The following TCERG1L variants were observed in gnomAD, a reference collection of about 807,000 sequenced individuals.
The protein encoded by TCERG1L is transcription elongation regulator 1 like.
A neutral mutation model predicts 56.3 loss-of-function variants in TCERG1L; 37 were observed. The ratio of observed to expected loss-of-function variants is 0.66; its 90% CI spans 0.51 to 0.87. The LOEUF is 0.87. Ranked by LOEUF, TCERG1L falls within the 40% of genes least tolerant of loss-of-function variation. The pLI is 0.00. For missense variants in TCERG1L, 799 were observed against 774.2 expected, an observed-to-expected ratio of 1.03 and a Z score of -0.38; for synonymous variants, 324 against 326.3, an observed-to-expected ratio of 0.99 and a Z score of 0.08.
intron 6 of TCERG1L, among the ~76,000 whole-genome samples, chr10:131,153,774 T>C (rs1845890779): frequency 6.6e-6 from 1 of 152,042 alleles, no homozygotes; most frequent in Admixed American, 6.5e-5. Flanking sequence ...CAATTCCCAG[T>C]AAAGAGTGGA....
intron 4 of TCERG1L, among the ~76,000 whole-genome samples, chr10:131,174,965 T>G (rs1431422383): frequency 6.6e-6 from 1 of 151,604 alleles, no homozygotes; most frequent in Non-Finnish European, 1.5e-5. Flanking sequence ...ACCCCAATAA[T>G]GGGACCCCAC....
chr10:131,245,793 C>T (rs1015431011), intron 4 of TCERG1L, among the ~76,000 whole-genome samples: 38 of 152,224 alleles, frequency 2.5e-4, no homozygotes, highest in African/African-American at 7.0e-4. Context: ...GAAGTGCGCA[C>T]GGGGCCTTTG....
intron 8 of TCERG1L, among the ~76,000 whole-genome samples, chr10:131,117,317 G>A (rs114394888): frequency 2.2e-3 from 334 of 152,344 alleles, no homozygotes; most frequent in African/African-American, 7.8e-3. Context: ...CTGCAGAGAT[G>A]GGGTCATGGA....
chr10:131,202,132 AC>A (rs1845444269), intron 4 of TCERG1L, among the ~76,000 whole-genome samples: 1 of 152,230 alleles, frequency 6.6e-6, no homozygotes, highest in Non-Finnish European at 1.5e-5. Flanking sequence ...CTGCATGATC[AC>A]CAGCTGCACG....
In TCERG1L at chr10:131,311,681, G is replaced by A. The variant is rs1209204738; in HGVS notation, c.-46C>T. On this transcript the variant is annotated 5_prime_UTR_variant, in exon 1 of 12. Transcript: ENST00000368642. This position sits in a 1 kb window ranked among gnomAD's most constrained non-coding sequence, Gnocchi z 4.0. Reference sequence around the variant, plus strand: ...GCGGCGGCGGGGGCGGCGGGCGCCCGAGATGCTGGGCCGGCGGCGGCGCGG... The same window carrying A: ...GCGGCGGCGGGGGCGGCGGGCGCCCAAGATGCTGGGCCGGCGGCGGCGCGG... 7 of 1,002,704 alleles carry A rather than the reference G, an allele frequency of 7.0e-6. No homozygotes were observed. The highest frequency in any genetic ancestry group is 5.2e-5 in the Admixed American group (1 of 19,206). The allele number at this position is 1,002,704 out of a possible 1,614,324, so 62.1% of individuals were successfully genotyped here. A position where few individuals can be genotyped will look rare whatever the true frequency, so the allele number is the denominator to read the frequency against.
intron 4 of TCERG1L, among the ~76,000 whole-genome samples, chr10:131,201,487 C>T (rs1488062599): frequency 6.6e-6 from 1 of 152,206 alleles, no homozygotes; most frequent in African/African-American, 2.4e-5. Context: ...CAGTTTCATT[C>T]ATTCATTATG....
intron 3 of TCERG1L, among the ~76,000 whole-genome samples, chr10:131,274,182 G>A (rs111752238): frequency 0.015 from 2,211 of 152,220 alleles, 49 homozygotes; most frequent in African/African-American, 0.049. Flanking sequence ...AAAGATTCTC[G>A]TAAACTACAT....
In TCERG1L at chr10:131,093,196, T is replaced by C; in HGVS notation, c.1727A>G (p.Lys576Arg). The C allele has an allele frequency of 1.9e-6, 3 of 1,613,940 alleles. No individual in the cohort carries two copies. Among genetic ancestry groups the C allele is most frequent in the Non-Finnish European group, 2.5e-6 (3 of 1,179,858 alleles). ...TTTCCGCAGCCTTAGTCTGTTTTCCTTGTCCCGTTTCTTAAGAATAAGTAT... is the reference window on the plus strand; with the variant it reads ...TTTCCGCAGCCTTAGTCTGTTTTCCCTGTCCCGTTTCTTAAGAATAAGTAT... ...QFILILKKRD[K>R]ENRLRLRKMR Residue 576 changes from lysine to arginine, a missense_variant, in exon 12 of 12, where the codon AAG becomes AGG. Transcript: ENST00000368642.
chr10:131,234,778 ACCGCCACCT>A (rs1334277707), intron 4 of TCERG1L, among the ~76,000 whole-genome samples: 1 of 152,138 alleles, frequency 6.6e-6, no homozygotes, highest in African/African-American at 2.4e-5. Context: ...ATCTTGGCTC[ACCGCCACCT>A]CCGCCTCCTG....
At chr10:131,114,487 G>C (rs948871073) in intron 9 of TCERG1L, among the ~76,000 whole-genome samples, 2 of 98,274 alleles carry the variant, frequency 2.0e-5, no homozygotes, top group African/African-American at 3.0e-5. Context: ...CCTTTCTCTC[G>C]GGGTAAACAC....
chr10:131,101,750 G>C (rs1012463581), intron 10 of TCERG1L, among the ~76,000 whole-genome samples: 2 of 152,064 alleles, frequency 1.3e-5, no homozygotes, highest in Non-Finnish European at 2.9e-5. Context: ...GCCCAGGCTG[G>C]AGTGCAGTGG....
Position 131,197,064 on chromosome 10 carries a change from C to T in TCERG1L, c.857-30179G>A, listed in dbSNP as rs1028206958. Among the ~76,000 whole-genome samples the T allele has an allele frequency of 2.0e-5, 3 of 152,248 alleles. 1 individual carries two copies. Among genetic ancestry groups the T allele is most frequent in the South Asian group, 4.1e-4 (2 of 4,822 alleles). ...CCCCCCTCACCCTGCCCTTCCTCTACAAGACACTCCCTGTGTGGTCTGTCA... is the reference window on the plus strand; with the variant it reads ...CCCCCCTCACCCTGCCCTTCCTCTATAAGACACTCCCTGTGTGGTCTGTCA... On this transcript the variant is annotated intron_variant, in intron 4 of 11. Transcript: ENST00000368642.
chr10:131,206,541 C>T (rs1191940939), intron 4 of TCERG1L, among the ~76,000 whole-genome samples: 2 of 152,236 alleles, frequency 1.3e-5, no homozygotes, highest in Non-Finnish European at 2.9e-5. Context: ...CCAGGCCTTG[C>T]ACAGGCCCTG....
chr10:131,281,043 G>A (rs560013219), intron 3 of TCERG1L, among the ~76,000 whole-genome samples: 26 of 152,282 alleles, frequency 1.7e-4, no homozygotes, highest in African/African-American at 6.3e-4. Context: ...AGTTATCACT[G>A]TGGTCCACAG....
At position 131,260,211 on chromosome 10, in the gene TCERG1L, G is replaced by A. The variant is rs751447985; in HGVS notation, c.856+48C>T. 40 of 1,310,714 alleles carry A rather than the reference G, an allele frequency of 3.1e-5. No homozygotes were observed. The highest frequency in any genetic ancestry group is 2.7e-4 in the Middle Eastern group (1 of 3,664). The allele number at this position is 1,310,714 out of a possible 1,614,324, so 81.2% of individuals were successfully genotyped here. On this transcript the variant is annotated intron_variant, in intron 4 of 11. Coordinates refer to ENST00000368642, the MANE Select transcript of TCERG1L (RefSeq NM_174937.4). This position sits in a 1 kb window ranked among gnomAD's most constrained non-coding sequence, Gnocchi z 5.8. ...GGGCATCTAACCAGGAAGCCTCCGCGCGCTCGCTAAGGCAGCACCAGGCGT... is the reference window on the plus strand; with the variant it reads ...GGGCATCTAACCAGGAAGCCTCCGCACGCTCGCTAAGGCAGCACCAGGCGT...
intron 3 of TCERG1L, among the ~76,000 whole-genome samples, chr10:131,307,254 A>C (rs561946748): frequency 6.6e-6 from 1 of 152,374 alleles, no homozygotes; most frequent in Admixed American, 6.5e-5. Context: ...GTCAGAAATC[A>C]TTTAGGCCTA....
intron 4 of TCERG1L, among the ~76,000 whole-genome samples, chr10:131,253,713 C>T (rs565730059): frequency 6.6e-6 from 1 of 152,120 alleles, no homozygotes; most frequent in African/African-American, 2.4e-5. Context: ...AGAGAACTGT[C>T]GACCAACACG....
At chr10:131,304,161 G>T (rs535932197) in intron 3 of TCERG1L, among the ~76,000 whole-genome samples, 6 of 152,086 alleles carry the variant, frequency 3.9e-5, no homozygotes, top group African/African-American at 1.2e-4. Flanking sequence ...GGCAGGCAAC[G>T]GGACATGGAC....
chr10:131,209,907 C>G (rs887422148), intron 4 of TCERG1L, among the ~76,000 whole-genome samples: 1 of 151,962 alleles, frequency 6.6e-6, no homozygotes, highest in Admixed American at 6.6e-5. Context: ...ATGTGACACC[C>G]AAAATAGCAA....
Sources: gnomAD v4.1 joint callset for allele counts (sites outside exome capture counted in the v4.1 genomes callset) on GRCh38, gnomAD v4.1.1 for gene constraint, Gnocchi (gnomAD v3.1) non-coding constraint, MANE v1.5 for transcripts, NCBI Gene and HGNC (gene_info 2026-07-23, HGNC 2026-07-21) for gene names.